RASGRP2: variants seen among roughly 807,000 people sequenced by gnomAD.
The protein encoded by RASGRP2 is RAS guanyl-releasing protein 2.
In RASGRP2, 44 loss-of-function variants were observed where a neutral mutation model predicts 71.0. The observed-to-expected ratio is 0.62, with a 90% CI of 0.49 to 0.80. The LOEUF is 0.80. RASGRP2 is among the 30% of genes least tolerant of loss of function. The pLI is 0.00. For missense variants in RASGRP2, 663 were observed against 813.4 expected, an observed-to-expected ratio of 0.82 and a Z score of 2.25; for synonymous variants, 350 against 330.7, an observed-to-expected ratio of 1.06 and a Z score of -0.63.
chr11:64,733,851 TTC>T lies in RASGRP2; in HGVS notation c.1412+1259_1412+1260del, dbSNP rs1353818548. Among the ~76,000 whole-genome samples, 53 of 41,266 alleles carry T rather than the reference TTC, an allele frequency of 1.3e-3. No individual in the cohort carries two copies. The East Asian group carries it at 0.05, about 39-fold the overall frequency. 27.1% of individuals were successfully genotyped at this position (41,266 alleles called of 152,430 possible). A position where few individuals can be genotyped will look rare whatever the true frequency, so the allele number is the denominator to read the frequency against. ...GGGACTTTCATTTCTTCCTTTTTTT[TTC>T]TTTTTTTTTTTTTTGATGGGGGTGA... On this transcript the variant is annotated intron_variant, in intron 12 of 16. Coordinates refer to ENST00000394432, the MANE Select transcript of RASGRP2 (RefSeq NM_001098671.2).
At position 64,727,058 on chromosome 11, in the gene RASGRP2, C is replaced by G. The variant is rs899984559; in HGVS notation, c.*80G>C. 1 of 469,956 alleles carries G rather than the reference C, an allele frequency of 2.1e-6. No individual in the cohort carries two copies. Among genetic ancestry groups the G allele is most frequent in the East Asian group, 4.2e-5 (1 of 23,878 alleles). The allele number at this position is 469,956 out of a possible 1,614,324, so 29.1% of individuals were successfully genotyped here. A position where few individuals can be genotyped will look rare whatever the true frequency, so the allele number is the denominator to read the frequency against. ...CACCCCCATCCCCAGCCTCCTGCCC[C>G]GACACCCCCAGGCTCCCTGCTCTGG... On this transcript the variant is annotated 3_prime_UTR_variant, in exon 17 of 17. Coordinates refer to ENST00000394432, the MANE Select transcript of RASGRP2 (RefSeq NM_001098671.2).
Position 64,742,687 on chromosome 11 carries a change from G to A in RASGRP2, c.73+107C>T. ...AAAGAGACTGCACGCTGCGGAGCAG[G>A]GTGGGTCCGGGTCAGGGCTGTGCCC... On this transcript the variant is annotated intron_variant, in intron 2 of 16. Coordinates refer to ENST00000394432, the MANE Select transcript of RASGRP2 (RefSeq NM_001098671.2). This position sits in a 1 kb window ranked among gnomAD's most constrained non-coding sequence, Gnocchi z 4.7. 2.8e-6 allele frequency: 4 copies of A among 1,429,162 alleles called. No homozygotes were observed. The highest frequency in any genetic ancestry group is 3.8e-6 in the Non-Finnish European group (4 of 1,041,364). The allele number at this position is 1,429,162 out of a possible 1,614,324, so 88.5% of individuals were successfully genotyped here. A position where few individuals can be genotyped will look rare whatever the true frequency, so the allele number is the denominator to read the frequency against.
intron 12 of RASGRP2, among the ~76,000 whole-genome samples, chr11:64,732,744 G>A (rs2057802351): frequency 6.6e-6 from 1 of 151,368 alleles, no homozygotes; most frequent in African/African-American, 2.4e-5. Flanking sequence ...TCGCGCCACC[G>A]CACTCCAGTC....
chr11:64,729,675 T>C, intron 14 of RASGRP2, 87 bp downstream of exon 14: 3 of 1,500,174 alleles, frequency 2.0e-6, no homozygotes, highest in Admixed American at 3.4e-5. Flanking sequence ...TCCTTGGCAA[T>C]TGCCCCACCA....
chr11:64,728,511 C>T (rs983338055), intron 15 of RASGRP2, among the ~76,000 whole-genome samples: 1 of 151,918 alleles, frequency 6.6e-6, no homozygotes, highest in Non-Finnish European at 1.5e-5. Context: ...CACTGCAAGC[C>T]CCGCCTCCCG....
At position 64,739,396 on chromosome 11, in the gene RASGRP2, C is replaced by T; in HGVS notation, c.777G>A (p.Lys259=). 6.2e-7 allele frequency: 1 copy of T among 1,614,168 alleles called. No homozygotes were observed. The highest frequency in any genetic ancestry group is 8.5e-7 in the Non-Finnish European group (1 of 1,180,030). ...CAGGGCTAACGTGGCTGTGGGTCTC[C>T]TTGAGGCGGGAGATGGAGCTGTGGC... The part of the protein sequence containing the change: ...GLSHSSISRL[K]ETHSHVSPET... Residue 259 remains lysine, a synonymous_variant, in exon 8 of 17, where the codon AAG becomes AAA. Transcript: ENST00000394432. The surrounding 1 kb of genome is among the most constrained non-coding windows in gnomAD (Gnocchi z 4.2).
chr11:64,730,078 A>G lies in RASGRP2; in HGVS notation c.1529T>C (p.Val510Ala). 3 of 1,550,154 alleles carry G rather than the reference A, an allele frequency of 1.9e-6. No individual in the cohort carries two copies. The highest frequency in any genetic ancestry group is 1.7e-6 in the Non-Finnish European group (2 of 1,147,428). The part of the protein sequence containing the change: ...NFQESNSLRP[V>A]ACRHCKALIL... ...CAGGGCTTTGCAGTGGCGGCAGGCG[A>G]CGGGGCGCAAGGAGTTGCTCTCCTG... The change falls in exon 13 of 17, where the codon GTC becomes GCC. Residue 510 changes from valine (V) to alanine (A), a missense_variant. By Grantham distance (64) the Val-to-Ala change is moderately conservative. Coordinates refer to ENST00000394432, the MANE Select transcript of RASGRP2 (RefSeq NM_001098671.2).
rs758747785 is a variant in RASGRP2, at chr11:64,735,623, C to T, written c.1215G>A (p.Pro405=). 1.7e-5 allele frequency: 28 copies of T among 1,613,702 alleles called. No homozygotes were observed. Among genetic ancestry groups the T allele is most frequent in the Middle Eastern group, 1.6e-4 (1 of 6,076 alleles). The change falls in exon 11 of 17, where the codon CCG becomes CCA. Residue 405 remains proline (P), a synonymous_variant. Coordinates refer to ENST00000394432, the MANE Select transcript of RASGRP2 (RefSeq NM_001098671.2). The surrounding 1 kb of genome is among the most constrained non-coding windows in gnomAD (Gnocchi z 4.2). The part of the protein sequence containing the change: ...PTSCTPPPRP[P]VLEEWTSAAK... The stretch of plus-strand genomic sequence containing the variant: ...CAGCCGAGGTCCACTCCTCCAGTAC[C>T]GGGGGCCGGGGTGGTGGGGTGCAAC...
In RASGRP2 at chr11:64,741,454, G is replaced by A; in HGVS notation, c.224C>T (p.Thr75Met). 1 of 1,573,208 alleles carries A rather than the reference G, an allele frequency of 6.4e-7. No homozygotes were observed. The highest frequency in any genetic ancestry group is 8.6e-7 in the Non-Finnish European group (1 of 1,157,318). ...AAAGACTCACCTGACCAGGTGGCAC[G>A]TTTTCACCTGCAGGGAATTGGAGTT... is the stretch of plus-strand genomic sequence containing the variant. The part of the protein sequence containing the change: ...KDNSNSLQVK[T>M]CHLVRYWISA... Residue 75 changes from threonine to methionine, a missense_variant, in exon 4 of 17, where the codon ACG becomes ATG. Physicochemically the swap from Thr to Met is moderately conservative, Grantham distance 81 (BLOSUM62 -1). Coordinates refer to ENST00000394432, the MANE Select transcript of RASGRP2 (RefSeq NM_001098671.2).
In RASGRP2 at chr11:64,741,001, C is replaced by T. The variant is rs1174883363; in HGVS notation, c.318G>A (p.Leu106=). 1 of 1,613,930 alleles carries T rather than the reference C, an allele frequency of 6.2e-7. No homozygotes were observed. Among genetic ancestry groups the T allele is most frequent in the Non-Finnish European group, 8.5e-7 (1 of 1,179,998 alleles). The change falls in exon 5 of 17, where the codon CTG becomes CTA. Residue 106 remains leucine, a synonymous_variant. Transcript: ENST00000394432. ...LAEQIKELKA[L]LDQEGNRRHS... is the part of the protein sequence containing the mutation. The stretch of plus-strand genomic sequence containing the variant: ...GCCGTCGGTTCCCTTCTTGGTCTAG[C>T]AGAGCCTTCAGCTCCTTGATCTGCT...
intron 12 of RASGRP2, 103 bp from the exon 13 acceptor site, chr11:64,730,297 AT>A (rs1187183784): frequency 1.5e-5 from 22 of 1,432,904 alleles, no homozygotes; most frequent in Non-Finnish European, 2.1e-5. Context: ...GGAACTCCTG[AT>A]TTTGGACTCC....
chr11:64,737,700 GAAAA>G (rs1565512419), intron 8 of RASGRP2, among the ~76,000 whole-genome samples: 6 of 140,326 alleles, frequency 4.3e-5, no homozygotes, highest in Non-Finnish European at 7.7e-5. Flanking sequence ...AAAAAAGAAA[GAAAA>G]AGAAAGAAAG....
In RASGRP2 at chr11:64,742,601, A is replaced by C; in HGVS notation, c.73+193T>G. On this transcript the variant is annotated intron_variant, in intron 2 of 16. Coordinates refer to ENST00000394432, the MANE Select transcript of RASGRP2 (RefSeq NM_001098671.2). The surrounding 1 kb of genome is among the most constrained non-coding windows in gnomAD (Gnocchi z 4.7). ...CCGCTGGGGAAGGCTAGAGAAGGGAAACCTCATCTGTCTGAAGGGCGTGCA... is the reference window on the plus strand; with the variant it reads ...CCGCTGGGGAAGGCTAGAGAAGGGACACCTCATCTGTCTGAAGGGCGTGCA... The C allele has an allele frequency of 1.3e-6, 1 of 747,560 alleles. No homozygotes were observed. The highest frequency in any genetic ancestry group is 3.8e-4 in the Middle Eastern group (1 of 2,644). The allele number at this position is 747,560 out of a possible 1,614,324, so 46.3% of individuals were successfully genotyped here.
In RASGRP2 at chr11:64,738,895, G is replaced by T. The variant is rs1346603773; in HGVS notation, c.813+465C>A. Among the ~76,000 whole-genome samples the T allele has an allele frequency of 2.6e-5, 4 of 151,800 alleles. No individual in the cohort carries two copies. In the East Asian group the frequency reaches 7.7e-4, roughly 29 times the overall value. On this transcript the variant is annotated intron_variant, in intron 8 of 16. Coordinates refer to ENST00000394432, the MANE Select transcript of RASGRP2 (RefSeq NM_001098671.2). Reference sequence around the variant, plus strand: ...CTCAGCACTTTGGGAGGCCAAGGCAGGCGGATCACTTGAGCCCAGGAGTTC... The same window carrying T: ...CTCAGCACTTTGGGAGGCCAAGGCATGCGGATCACTTGAGCCCAGGAGTTC...
At chr11:64,740,619 A>C in intron 5 of RASGRP2, 1 of 654,710 alleles carries the variant, frequency 1.5e-6, no homozygotes, top group Non-Finnish European at 2.8e-6. Context: ...TCATGCCTGA[A>C]CTGAGTCTTG....
Position 64,742,675 on chromosome 11 carries a change from G to C in RASGRP2, c.73+119C>G. ...GAGGCTTTCGTTAAAGAGACTGCAC[G>C]CTGCGGAGCAGGGTGGGTCCGGGTC... On this transcript the variant is annotated intron_variant, in intron 2 of 16. Transcript: ENST00000394432. This position sits in a 1 kb window ranked among gnomAD's most constrained non-coding sequence, Gnocchi z 4.7. The C allele has an allele frequency of 1.5e-6, 2 of 1,339,120 alleles. No individual in the cohort carries two copies. Among genetic ancestry groups the C allele is most frequent in the Non-Finnish European group, 2.1e-6 (2 of 962,036 alleles). 83.0% of individuals were successfully genotyped at this position (1,339,120 alleles called of 1,614,324 possible).
chr11:64,744,255 C>A (rs1203936759), upstream of RASGRP2: 4 of 985,582 alleles, frequency 4.1e-6, no homozygotes, highest in South Asian at 1.4e-4. Context: ...GCGGCCCCAG[C>A]TCCCTGACTC....
chr11:64,740,292 G>A (rs1452416799), intron 5 of RASGRP2, 129 bp from the exon 6 acceptor site: 3 of 1,208,978 alleles, frequency 2.5e-6, no homozygotes, highest in Non-Finnish European at 3.7e-6. Context: ...AGGCACGAAT[G>A]TTCCCAGTCC....
Position 64,742,224 on chromosome 11 carries a change from G to T in RASGRP2, c.74-112C>A. 1 of 808,282 alleles carries T rather than the reference G, an allele frequency of 1.2e-6. No homozygotes were observed. The highest frequency in any genetic ancestry group is 2.1e-6 in the Non-Finnish European group (1 of 471,212). The allele number at this position is 808,282 out of a possible 1,614,324, so 50.1% of individuals were successfully genotyped here. A position where few individuals can be genotyped will look rare whatever the true frequency, so the allele number is the denominator to read the frequency against. Reference sequence around the variant, plus strand: ...GTCCTTCGGGTGCACGCTCGACCCCGCCCACCTCCTGCTTGCCCAGGACTC... The same window carrying T: ...GTCCTTCGGGTGCACGCTCGACCCCTCCCACCTCCTGCTTGCCCAGGACTC... On this transcript the variant is annotated intron_variant, in intron 2 of 16. Transcript: ENST00000394432. This position sits in a 1 kb window ranked among gnomAD's most constrained non-coding sequence, Gnocchi z 4.7.
Sources: gnomAD v4.1 joint callset for allele counts (sites outside exome capture counted in the v4.1 genomes callset) on GRCh38, gnomAD v4.1.1 for gene constraint, Gnocchi (gnomAD v3.1) non-coding constraint, MANE v1.5 for transcripts, NCBI Gene and HGNC (gene_info 2026-07-23, HGNC 2026-07-21) for gene names.